Variants in DSC1 observed in about 807,000 individuals in gnomAD.
The protein encoded by DSC1 is desmocollin 1.
A neutral mutation model predicts 98.8 loss-of-function variants in DSC1; 79 were observed. That is an observed-to-expected ratio of 0.80 (90% confidence interval 0.67 to 0.96). The LOEUF is 0.96. Ranked by LOEUF, DSC1 falls within the 50% of genes least tolerant of loss-of-function variation. DSC1 has a pLI of 0.00. For missense variants in DSC1, 1,115 were observed against 1,075.9 expected (o/e 1.04, Z -0.51); for synonymous variants, 405 against 372.1 (o/e 1.09, Z -1.02).
chr18:31,152,564 A>G (rs1050998081), intron 5 of DSC1, among the ~76,000 whole-genome samples: 1 of 152,224 alleles, frequency 6.6e-6, no homozygotes, highest in Admixed American at 6.5e-5. Flanking sequence ...TACCATTAGA[A>G]TATCTTCAAC....
rs558951675 is a variant in DSC1 at position 31,132,128 on chromosome 18, G to GCGAAT, written c.2239-291_2239-287dup. 1.4e-5 allele frequency: 6 copies of GCGAAT among 443,650 alleles called. No individual in the cohort carries two copies. The Admixed American group carries it at 2.2e-4, about 16-fold the overall frequency. 27.5% of individuals were successfully genotyped at this position (443,650 alleles called of 1,614,324 possible). The stretch of plus-strand genomic sequence containing the variant: ...ATATGGGATTAGAGTGGGTCCCTAA[G>GCGAAT]CGAATATAATCAGTATCCTTATAAA... On this transcript the variant is annotated intron_variant, in intron 14 of 15. Coordinates refer to ENST00000257198, the MANE Select transcript of DSC1 (RefSeq NM_024421.2).
intron 14 of DSC1, 150 bp from the exon 15 acceptor site, chr18:31,131,992 TG>T (rs886927200): frequency 5.6e-5 from 51 of 904,228 alleles, no homozygotes; most frequent in Non-Finnish European, 7.7e-5. Context: ...ATAGGTGTGA[TG>T]GGTTGAATTG....
At chr18:31,134,249 T>G in intron 12 of DSC1, 119 bp from the exon 13 acceptor site, 5 of 1,340,678 alleles carry the variant, frequency 3.7e-6, no homozygotes, top group Non-Finnish European at 5.0e-6. Context: ...TTTTTCTTTT[T>G]TTTTTTGAAT....
chr18:31,139,907 A>G lies in DSC1; in HGVS notation c.1521-17T>C. 1.3e-6 allele frequency: 2 copies of G among 1,586,804 alleles called. No homozygotes were observed. The highest frequency in any genetic ancestry group is 1.7e-6 in the Non-Finnish European group (2 of 1,170,612). The stretch of plus-strand genomic sequence containing the variant: ...TTCTGATACCTAATTTTTAGAAATC[A>G]AATATGAACGGTCAAATCAAAGAAG... On this transcript the variant is annotated splice_polypyrimidine_tract_variant and intron_variant, in intron 10 of 15. Coordinates refer to ENST00000257198, the MANE Select transcript of DSC1 (RefSeq NM_024421.2).
chr18:31,150,342 T>TCAC (rs1454669441), intron 5 of DSC1, among the ~76,000 whole-genome samples: 1 of 68,780 alleles, frequency 1.5e-5, no homozygotes. Context: ...ACCACTACCA[T>TCAC]CACCACCACC....
At chr18:31,144,226 G>A (rs183419668) in intron 7 of DSC1, among the ~76,000 whole-genome samples, 22 of 138,610 alleles carry the variant, frequency 1.6e-4, no homozygotes, top group Admixed American at 4.1e-4. Flanking sequence ...TTCCTTTTAC[G>A]TATAATTTTG....
chr18:31,137,181 A>T (rs1988629402), intron 11 of DSC1, among the ~76,000 whole-genome samples: 1 of 152,164 alleles, frequency 6.6e-6, no homozygotes, highest in Admixed American at 6.6e-5. Flanking sequence ...AAAGATTTAA[A>T]TTTTTAATTA....
Position 31,140,253 on chromosome 18 carries a change from T to C in DSC1, c.1309A>G (p.Ile437Val), listed in dbSNP as rs761872327. The C allele has an allele frequency of 6.2e-7, 1 of 1,614,052 alleles. No homozygotes were observed. Among genetic ancestry groups the C allele is most frequent in the East Asian group, 2.2e-5 (1 of 44,880 alleles). The change falls in exon 10 of 16, where the codon ATT (isoleucine) becomes GTT (valine). Residue 437 changes from isoleucine (I) to valine (V), a missense_variant. By Grantham distance (29) the Ile-to-Val change is conservative. Transcript: ENST00000257198. The part of the protein sequence containing the change: ...NRQVILQVGV[I>V]NEAQFSKAAS... ...GCTTTAGAGAATTGTGCCTCGTTAA[T>C]GACACCAACTTGCAAAATAACTTGG...
chr18:31,160,373 C>T (rs756112485), intron 1 of DSC1, among the ~76,000 whole-genome samples: 2 of 152,020 alleles, frequency 1.3e-5, no homozygotes, highest in Non-Finnish European at 2.9e-5. Flanking sequence ...CTAGGTTTTC[C>T]AGAAACATGT....
intron 3 of DSC1, 116 bp from the exon 4 acceptor site, chr18:31,156,278 C>T (rs1989096673): frequency 1.6e-6 from 2 of 1,263,566 alleles, no homozygotes; most frequent in Non-Finnish European, 2.2e-6. Flanking sequence ...AATATCATGG[C>T]TAGTCAGCAA....
At chr18:31,144,357 A>G (rs7236673) in intron 7 of DSC1, among the ~76,000 whole-genome samples, 44,706 of 152,148 alleles carry the variant, frequency 0.29, 7,753 homozygotes, top group East Asian at 0.56. Flanking sequence ...AAACTTGAAA[A>G]CAACCAAGAT....
Position 31,140,208 on chromosome 18 carries a change from T to A in DSC1, c.1354A>T (p.Thr452Ser), listed in dbSNP as rs1439338203. 1 of 1,613,930 alleles carries A rather than the reference T, an allele frequency of 6.2e-7. No individual in the cohort carries two copies. Among genetic ancestry groups the A allele is most frequent in the Non-Finnish European group, 8.5e-7 (1 of 1,179,934 alleles). Residue 452 changes from threonine (T) to serine (S), a missense_variant, in exon 10 of 16, where the codon ACA becomes TCA. By Grantham distance (58) the Thr-to-Ser change is moderately conservative (BLOSUM62 1). Transcript: ENST00000257198. The part of the protein sequence containing the change: ...FSKAASSQTP[T>S]MCTTTVTVKI... ...ACGGTGACAGTTGTAGTGCACATTG[T>A]AGGAGTTTGTGAGCTCGCTGCTTTA...
Position 31,132,556 on chromosome 18 carries a change from AATCT to A in DSC1, c.2238+8_2238+11del. ...CACCGTACAATTCAAAGGGATGTGA[AATCT>A]GATTTACCGTTACTTCTTCTCCAGG... On this transcript the variant is annotated splice_region_variant and intron_variant, in intron 14 of 15. Transcript: ENST00000257198. The A allele has an allele frequency of 6.2e-7, 1 of 1,612,376 alleles. No homozygotes were observed. The highest frequency in any genetic ancestry group is 8.5e-7 in the Non-Finnish European group (1 of 1,179,100).
chr18:31,149,659 C>G (rs1012286223), intron 5 of DSC1, among the ~76,000 whole-genome samples: 1 of 152,126 alleles, frequency 6.6e-6, no homozygotes, highest in African/African-American at 2.4e-5. Context: ...ACAATTTTAA[C>G]CACGATACTC....
rs1337584172 is a variant in DSC1 at position 31,129,658 on chromosome 18, G to C, written c.*856C>G. 1 of 152,120 alleles carries C rather than the reference G, an allele frequency of 6.6e-6. No homozygotes were observed. The highest frequency in any genetic ancestry group is 2.4e-5 in the African/African-American group (1 of 41,416). 9.4% of individuals were successfully genotyped at this position (152,120 alleles called of 1,614,324 possible). ...TAAGGCAGGCCTATGTCAAACTCAA[G>C]AGTGAATGTTTTTGCTAAAGTATTT... On this transcript the variant is annotated 3_prime_UTR_variant, in exon 16 of 16. Coordinates refer to ENST00000257198, the MANE Select transcript of DSC1 (RefSeq NM_024421.2).
Position 31,145,751 on chromosome 18 carries a change from T to C in DSC1, c.799A>G (p.Thr267Ala), listed in dbSNP as rs369507576. The change falls in exon 7 of 16, where the codon ACA (threonine) becomes GCA (alanine). Residue 267 changes from threonine (T) to alanine (A), a missense_variant. By Grantham distance (58) the Thr-to-Ala change is moderately conservative. Coordinates refer to ENST00000257198, the MANE Select transcript of DSC1 (RefSeq NM_024421.2). The stretch of plus-strand genomic sequence containing the variant: ...AGAGTGTCAGGTTCGTCAAGGTCTG[T>C]GGCGGTCACTTTTCCCACTGAAGTT... ...SGTSVGKVTA[T>A]DLDEPDTLHT... The C allele has an allele frequency of 3.7e-6, 6 of 1,613,926 alleles. No homozygotes were observed. In the African/African-American group the frequency reaches 6.7e-5, roughly 18 times the overall value.
At chr18:31,146,656 T>A (rs1168131947) in intron 6 of DSC1, among the ~76,000 whole-genome samples, 1 of 152,148 alleles carries the variant, frequency 6.6e-6, no homozygotes, top group African/African-American at 2.4e-5. Context: ...CTTTGAGTAA[T>A]CTCCAAACTG....
Position 31,134,761 on chromosome 18 carries a change from A to G in DSC1, c.1687T>C (p.Leu563=), listed in dbSNP as rs761628035. ...DAVGRSCTGT[L]VVHLDDYNDH... is the part of the protein sequence containing the mutation. The stretch of plus-strand genomic sequence containing the variant: ...TTGTAATCATCCAAATGAACTACTA[A>G]TGTTCCAGTGCAAGATCGGCCAACT... The change falls in exon 12 of 16, where the codon TTA becomes CTA. Residue 563 remains leucine, a synonymous_variant. Coordinates refer to ENST00000257198, the MANE Select transcript of DSC1 (RefSeq NM_024421.2). 2 of 1,612,110 alleles carry G rather than the reference A, an allele frequency of 1.2e-6. No individual in the cohort carries two copies. The highest frequency in any genetic ancestry group is 1.1e-5 in the South Asian group (1 of 90,972).
chr18:31,144,774 A>T (rs939750799), intron 7 of DSC1, among the ~76,000 whole-genome samples: 3 of 152,190 alleles, frequency 2.0e-5, no homozygotes, highest in African/African-American at 7.2e-5. Flanking sequence ...CAATGTGAGA[A>T]CTATGGACTT....
Sources: allele counts gnomAD v4.1 joint callset (sites outside exome capture counted in the v4.1 genomes callset), GRCh38; gene constraint gnomAD v4.1.1; transcripts MANE v1.5; gene names NCBI Gene and HGNC (gene_info 2026-07-23, HGNC 2026-07-21).